OTOF: variants seen among roughly 807,000 people sequenced by gnomAD.
OTOF encodes fer-1-like family member 2.
OTOF carries 218 observed loss-of-function variants against 236.8 expected under a neutral mutation model. The ratio of observed to expected loss-of-function variants is 0.92; its 90% CI spans 0.82 to 1.03. OTOF has a LOEUF of 1.03. OTOF is among the 50% of genes least tolerant of loss of function. OTOF has a pLI of 0.00. For missense variants in OTOF, 2,590 were observed against 2,694.4 expected, an observed-to-expected ratio of 0.96 and a Z score of 0.86; for synonymous variants, 1,041 against 1,072.5, an observed-to-expected ratio of 0.97 and a Z score of 0.57.
chr2:26,524,983 AC>A (rs1261614975), intron 3 of OTOF, among the ~76,000 whole-genome samples: 2 of 151,776 alleles, frequency 1.3e-5, no homozygotes, highest in African/African-American at 2.4e-5. Flanking sequence ...CCTTTTTCAC[AC>A]CCACTTGGTC....
chr2:26,541,326 T>A (rs1667208479), intron 1 of OTOF, among the ~76,000 whole-genome samples: 2 of 152,190 alleles, frequency 1.3e-5, no homozygotes, highest in African/African-American at 4.8e-5. Context: ...TACATCAGGG[T>A]TCTGTTTCAA....
intron 1 of OTOF, among the ~76,000 whole-genome samples, chr2:26,556,847 C>A (rs561719472): frequency 6.6e-6 from 1 of 152,340 alleles, no homozygotes; most frequent in Admixed American, 6.5e-5. Context: ...GGATGGCAAC[C>A]TGTAGCTTAA....
rs1427124820 is a variant in OTOF, at chr2:26,460,689, A to G, written c.5771T>C (p.Val1924Ala). 6.2e-7 allele frequency: 1 copy of G among 1,613,860 alleles called. No homozygotes were observed. Among genetic ancestry groups the G allele is most frequent in the South Asian group, 1.1e-5 (1 of 91,064 alleles). ...GTCAGGTTCATTGCGGGCCAGGCCC[A>G]CTGGGTTCTTCTCTGCCTCCTCTGC... Reference protein sequence around the residue: ...LTAEEAEKNPVGLARNEPDPL... With the variant: ...LTAEEAEKNPAGLARNEPDPL... The change falls in exon 45 of 47, where the codon GTG (valine) becomes GCG (alanine). Residue 1924 changes from valine (V) to alanine (A), a missense_variant. Val to Ala is a moderately conservative substitution (Grantham distance 64, BLOSUM62 0). Coordinates refer to ENST00000272371, the MANE Select transcript of OTOF (RefSeq NM_194248.3). The surrounding 1 kb of genome is among the most constrained non-coding windows in gnomAD (Gnocchi z 5.3).
chr2:26,533,660 C>G (rs1667002253), intron 2 of OTOF, among the ~76,000 whole-genome samples: 1 of 152,060 alleles, frequency 6.6e-6, no homozygotes, highest in South Asian at 2.1e-4. Context: ...TGTGCCTTGC[C>G]TGCTTCCTTT....
At position 26,460,621 on chromosome 2, in the gene OTOF, AG is replaced by A. The variant is rs1178412595; in HGVS notation, c.5813+25del. 1 of 1,572,978 alleles carries A rather than the reference AG, an allele frequency of 6.4e-7. No homozygotes were observed. On this transcript the variant is annotated intron_variant, in intron 45 of 46. Coordinates refer to ENST00000272371, the MANE Select transcript of OTOF (RefSeq NM_194248.3). The surrounding 1 kb of genome is among the most constrained non-coding windows in gnomAD (Gnocchi z 5.3). ...AGCGCCTCCAAGAGCCAGAGTGGGGAGGGGCTGGGCCGGCAGGGCACTCACT... is the reference window on the plus strand; with the variant it reads ...AGCGCCTCCAAGAGCCAGAGTGGGGAGGGCTGGGCCGGCAGGGCACTCACT...
intron 35 of OTOF, 118 bp downstream of exon 35, chr2:26,466,981 G>T: frequency 6.4e-7 from 1 of 1,559,400 alleles, no homozygotes; most frequent in South Asian, 1.1e-5. Flanking sequence ...TGAGTCATGG[G>T]AGAGTCCAGG....
intron 12 of OTOF, 85 bp downstream of exon 12, chr2:26,484,389 T>G (rs936622649): frequency 1.4e-6 from 2 of 1,419,094 alleles, no homozygotes; most frequent in African/African-American, 2.8e-5. Flanking sequence ...GGGTGGCAGG[T>G]GCTCTCAGCA....
intron 46 of OTOF, among the ~76,000 whole-genome samples, chr2:26,458,858 C>T (rs1490375635): frequency 6.6e-6 from 1 of 152,254 alleles, no homozygotes; most frequent in African/African-American, 2.4e-5. Context: ...GGCGTGCAGC[C>T]CCAGAGCTGA....
At chr2:26,556,348 G>A (rs545779482) in intron 1 of OTOF, among the ~76,000 whole-genome samples, 1 of 152,134 alleles carries the variant, frequency 6.6e-6, no homozygotes, top group African/African-American at 2.4e-5. Context: ...GGTCTTTTGG[G>A]GCGCCTACAA....
Position 26,495,008 on chromosome 2 carries a change from C to A in OTOF, c.831G>T (p.Val277=). Residue 277 remains valine, a synonymous_variant, in exon 9 of 47, where the codon GTG becomes GTT. Coordinates refer to ENST00000272371, the MANE Select transcript of OTOF (RefSeq NM_194248.3). The stretch of plus-strand genomic sequence containing the variant: ...TGTACTTCTTGTCGTCACCCACCTC[C>A]ACGCACACCACAGGGTCCATGTTCA... ...VGLNMDPVVC[V]EVGDDKKYTS... 6.2e-7 allele frequency: 1 copy of A among 1,614,164 alleles called. No homozygotes were observed. The highest frequency in any genetic ancestry group is 8.5e-7 in the Non-Finnish European group (1 of 1,179,978).
At position 26,479,384 on chromosome 2, in the gene OTOF, C is replaced by T; in HGVS notation, c.2094G>A (p.Arg698=). 1 of 1,612,562 alleles carries T rather than the reference C, an allele frequency of 6.2e-7. No homozygotes were observed. The highest frequency in any genetic ancestry group is 8.5e-7 in the Non-Finnish European group (1 of 1,179,890). Residue 698 remains arginine, a splice_region_variant and synonymous_variant, in exon 18 of 47, where the codon AGG becomes AGA. Transcript: ENST00000272371. ...TPPMRPQVTD[R]NYFHLPYLER... is the part of the protein sequence containing the mutation. ...CCAGGTAGGGCAGATGGAAGTAGTT[C>T]CTGGGGTGGGCAGAGGCGGGAGGTG...
At position 26,474,079 on chromosome 2, in the gene OTOF, G is replaced by A. The variant is rs769885718; in HGVS notation, c.3320C>T (p.Pro1107Leu). ...IGPAGKADLP[P>L]INGPVDVDRG... ...GTCCACGTCCACCGGGCCATTGATG[G>A]GGGGCAGGTCAGCCTTCCCTGCTGG... The change falls in exon 27 of 47, where the codon CCC (proline) becomes CTC (leucine). Residue 1107 changes from proline (P) to leucine (L), a missense_variant. This residue lies in a region of OTOF where 1,211 missense variants were observed against 1,352.8 expected (regional missense o/e 0.90). Coordinates refer to ENST00000272371, the MANE Select transcript of OTOF (RefSeq NM_194248.3). 1 of 1,613,018 alleles carries A rather than the reference G, an allele frequency of 6.2e-7. No homozygotes were observed. The highest frequency in any genetic ancestry group is 1.7e-5 in the Admixed American group (1 of 60,020).
At chr2:26,534,101 C>G (rs1386609868) in intron 2 of OTOF, among the ~76,000 whole-genome samples, 1 of 152,138 alleles carries the variant, frequency 6.6e-6, no homozygotes, top group Non-Finnish European at 1.5e-5. Context: ...CAGATAGACT[C>G]GGGTTTAAAT....
intron 11 of OTOF, among the ~76,000 whole-genome samples, chr2:26,486,391 T>C (rs1558493628): frequency 1.3e-5 from 2 of 151,736 alleles, no homozygotes; most frequent in Non-Finnish European, 2.9e-5. Flanking sequence ...GATGGATACA[T>C]GGATGGGTGG....
At chr2:26,512,804 G>T (rs1254312616) in intron 5 of OTOF, among the ~76,000 whole-genome samples, 1 of 152,106 alleles carries the variant, frequency 6.6e-6, no homozygotes, top group Non-Finnish European at 1.5e-5. Context: ...GGAAGGAAGT[G>T]AACACTGGCT....
chr2:26,525,483 C>T (rs1193906025), intron 3 of OTOF, among the ~76,000 whole-genome samples: 3 of 152,206 alleles, frequency 2.0e-5, no homozygotes, highest in Non-Finnish European at 4.4e-5. Context: ...CCTCATCCTG[C>T]CTCTAGGTAC....
intron 5 of OTOF, among the ~76,000 whole-genome samples, chr2:26,504,054 C>T (rs995731003): frequency 3.9e-5 from 6 of 152,176 alleles, no homozygotes; most frequent in Admixed American, 1.3e-4. Flanking sequence ...CCCTCCACTT[C>T]CGCCTTTGCC....
chr2:26,552,772 G>T (rs903404219), intron 1 of OTOF, among the ~76,000 whole-genome samples: 1 of 152,116 alleles, frequency 6.6e-6, no homozygotes, highest in African/African-American at 2.4e-5. Flanking sequence ...GGATGCAGGG[G>T]GCATATCCGT....
At position 26,462,123 on chromosome 2, in the gene OTOF, AGTC is replaced by A. The variant is rs1664495399; in HGVS notation, c.5248_5250del (p.Asp1750del). The A allele has an allele frequency of 6.2e-7, 1 of 1,614,030 alleles. No homozygotes were observed. Among genetic ancestry groups the A allele is most frequent in the Non-Finnish European group, 8.5e-7 (1 of 1,180,000 alleles). On this transcript the variant is annotated inframe_deletion, in exon 42 of 47. Coordinates refer to ENST00000272371, the MANE Select transcript of OTOF (RefSeq NM_194248.3). The surrounding 1 kb of genome is among the most constrained non-coding windows in gnomAD (Gnocchi z 4.7). The stretch of plus-strand genomic sequence containing the variant: ...TCACTGGACTTCTCCCCTGTGAAGA[AGTC>A]GTCGTCCTCCAAGACCACCTCATCT...
Sources: gnomAD v4.1 joint callset for allele counts (sites outside exome capture counted in the v4.1 genomes callset) on GRCh38, gnomAD v4.1.1 for gene constraint, gnomAD v4.1.1 regional missense constraint, Gnocchi (gnomAD v3.1) non-coding constraint, MANE v1.5 for transcripts, NCBI Gene and HGNC (gene_info 2026-07-23, HGNC 2026-07-21) for gene names.